HIVEP1: variants seen among roughly 807,000 people sequenced by gnomAD.
HIVEP1 encodes the protein HIVEP zinc finger 1.
Under a neutral mutation model 180.0 loss-of-function variants are expected in HIVEP1, and 36 were observed. The observed-to-expected ratio is 0.20, with a 90% CI of 0.15 to 0.26. HIVEP1 has a LOEUF of 0.26. Ranked by LOEUF, HIVEP1 falls within the 10% of genes least tolerant of loss-of-function variation. HIVEP1 has a pLI of 1.00. For missense variants in HIVEP1, 3,143 were observed against 3,268.7 expected, an observed-to-expected ratio of 0.96 and a Z score of 0.94; for synonymous variants, 1,239 against 1,239.0, an observed-to-expected ratio of 1.00 and a Z score of 0.00.
chr6:12,206,971 G>T, the HIVEP1 span, among the ~76,000 whole-genome samples: 33 of 152,134 alleles, frequency 2.2e-4, no homozygotes, highest in African/African-American at 7.2e-4. Flanking sequence ...TAATTAACCT[G>T]TCAACACTGT....
the HIVEP1 span, among the ~76,000 whole-genome samples, chr6:12,187,106 A>G: frequency 6.6e-6 from 1 of 152,214 alleles, no homozygotes; most frequent in Non-Finnish European, 1.5e-5. Context: ...TTAAAAATGA[A>G]GAATTTCAGT....
the HIVEP1 span, among the ~76,000 whole-genome samples, chr6:12,172,789 C>CT: frequency 1.5e-3 from 210 of 138,548 alleles, no homozygotes; most frequent in South Asian, 3.4e-3. Context: ...AAACACGGTC[C>CT]TTTTTTTTTT....
In HIVEP1 at chr6:12,125,653, T is replaced by G; in HGVS notation, c.5858T>G (p.Leu1953Trp). The G allele has an allele frequency of 6.2e-7, 1 of 1,614,174 alleles. No homozygotes were observed. The highest frequency in any genetic ancestry group is 8.5e-7 in the Non-Finnish European group (1 of 1,180,014). Residue 1953 changes from leucine to tryptophan, a missense_variant, in exon 4 of 9, where the codon TTG becomes TGG. By Grantham distance (61) the Leu-to-Trp change is moderately conservative. Transcript: ENST00000379388. ...TGTTATCTCTTAAGGCAGAAGTCGT[T>G]GCATTTGCCTCAGAAGGACCAGAAA... ...TWCYLLRQKS[L>W]HLPQKDQKTS...
Position 12,064,827 on chromosome 6 carries a change from T to C in HIVEP1, c.41-24357T>C, listed in dbSNP as rs774596695. Among the ~76,000 whole-genome samples, 218 of 152,334 alleles carry C rather than the reference T, an allele frequency of 1.4e-3. 1 individual carries two copies. Among genetic ancestry groups the C allele is most frequent in the Non-Finnish European group, 2.5e-3 (173 of 68,030 alleles). On this transcript the variant is annotated intron_variant, in intron 2 of 8. Transcript: ENST00000379388. ...GCTCTGTTTTTCCCTGCAAAAGGAA[T>C]TTTTCAATTTGATTTTCCATCCCGA...
At chr6:12,087,286 A>C (rs1017470549) in intron 2 of HIVEP1, among the ~76,000 whole-genome samples, 12 of 152,142 alleles carry the variant, frequency 7.9e-5, no homozygotes, top group African/African-American at 2.7e-4. Flanking sequence ...CCAAACTTCA[A>C]TTACTTAACA....
Position 12,121,464 on chromosome 6 carries a change from G to A in HIVEP1, c.1669G>A (p.Val557Met), listed in dbSNP as rs199542147. Residue 557 changes from valine to methionine, a missense_variant, in exon 4 of 9, where the codon GTG becomes ATG. Val to Met is a conservative substitution (Grantham distance 21, BLOSUM62 1). Around this residue, in one of 12 missense-constraint regions of HIVEP1, gnomAD observed 365 missense variants for 344.4 expected, o/e 1.06. Transcript: ENST00000379388. The surrounding 1 kb of genome is among the most constrained non-coding windows in gnomAD (Gnocchi z 5.3). The part of the protein sequence containing the change: ...LQDRSAESQA[V>M]TELPKVVVHH... ...GGACAGATCTGCAGAATCACAAGCTGTGACAGAGTTACCGAAAGTTGTGGT... is the reference window on the plus strand; with the variant it reads ...GGACAGATCTGCAGAATCACAAGCTATGACAGAGTTACCGAAAGTTGTGGT... 400 of 1,614,182 alleles carry A rather than the reference G, an allele frequency of 2.5e-4. No individual in the cohort carries two copies. The highest frequency in any genetic ancestry group is 4.0e-4 in the Admixed American group (24 of 60,016).
At position 12,119,999 on chromosome 6, in the gene HIVEP1, A is replaced by G; in HGVS notation, c.204A>G (p.Arg68=). 6.2e-7 allele frequency: 1 copy of G among 1,613,368 alleles called. No individual in the cohort carries two copies. The highest frequency in any genetic ancestry group is 8.5e-7 in the Non-Finnish European group (1 of 1,179,852). Residue 68 remains arginine, a synonymous_variant, in exon 4 of 9, where the codon AGA becomes AGG. Coordinates refer to ENST00000379388, the MANE Select transcript of HIVEP1 (RefSeq NM_002114.4). ...HLKKIPKSPL[R]NPLQAKHKQN... Reference sequence around the variant, plus strand: ...AAAAAATACCAAAATCCCCACTGAGAAATCCTCTTCAGGCAAAACATAAAC... The same window carrying G: ...AAAAAATACCAAAATCCCCACTGAGGAATCCTCTTCAGGCAAAACATAAAC...
At position 12,015,792 on chromosome 6, in the gene HIVEP1, T is replaced by C. The variant is rs1767702228; in HGVS notation, c.40+124T>C. 6.5e-6 allele frequency: 5 copies of C among 773,610 alleles called. No individual in the cohort carries two copies. In the South Asian group the frequency reaches 8.2e-5, roughly 13 times the overall value. The allele number at this position is 773,610 out of a possible 1,614,324, so 47.9% of individuals were successfully genotyped here. A position where few individuals can be genotyped will look rare whatever the true frequency, so the allele number is the denominator to read the frequency against. On this transcript the variant is annotated intron_variant, in intron 2 of 8. Coordinates refer to ENST00000379388, the MANE Select transcript of HIVEP1 (RefSeq NM_002114.4). ...GCCTGGTGAGGAGCGCTATTTCTCT[T>C]GCTCATTTCCAGCAGTCCTGCACAA... is the stretch of plus-strand genomic sequence containing the variant.
At position 12,123,147 on chromosome 6, in the gene HIVEP1, T is replaced by G; in HGVS notation, c.3352T>G (p.Ser1118Ala). ...LSTIMEQQIS[S>A]AAQDKIELQR... is the part of the protein sequence containing the mutation. Reference sequence around the variant, plus strand: ...GACCATCATGGAACAACAGATAAGTTCAGCAGCCCAGGACAAGATAGAACT... The same window carrying G: ...GACCATCATGGAACAACAGATAAGTGCAGCAGCCCAGGACAAGATAGAACT... The change falls in exon 4 of 9, where the codon TCA becomes GCA. Residue 1118 changes from serine to alanine, a missense_variant. By Grantham distance (99) the Ser-to-Ala change is moderately conservative (BLOSUM62 1). Coordinates refer to ENST00000379388, the MANE Select transcript of HIVEP1 (RefSeq NM_002114.4). The G allele has an allele frequency of 1.2e-6, 2 of 1,614,122 alleles. No homozygotes were observed. The highest frequency in any genetic ancestry group is 1.7e-6 in the Non-Finnish European group (2 of 1,180,000).
At chr6:12,009,309 A>G (rs1282185873), upstream of HIVEP1, among the ~76,000 whole-genome samples, 2 of 151,670 alleles carry the variant, frequency 1.3e-5, no homozygotes, top group Admixed American at 6.6e-5. Flanking sequence ...TCCGGGGTGG[A>G]CTTTGTGCCC....
In HIVEP1 at chr6:12,122,150, A is replaced by G. The variant is rs1480476135; in HGVS notation, c.2355A>G (p.Ser785=). Residue 785 remains serine (S), a synonymous_variant, in exon 4 of 9, where the codon TCA becomes TCG. Transcript: ENST00000379388. ...SRRGSIDSPK[S]YIFKDSFQFD... ...GAGGAAGCATTGATTCCCCCAAATC[A>G]TACATATTTAAAGATTCTTTCCAGT... 1.2e-6 allele frequency: 2 copies of G among 1,614,098 alleles called. No individual in the cohort carries two copies. Among genetic ancestry groups the G allele is most frequent in the Non-Finnish European group, 1.7e-6 (2 of 1,180,036 alleles).
chr6:12,122,912 T>C lies in HIVEP1; in HGVS notation c.3117T>C (p.Asp1039=). ...GGAGGAAAATGAAAAGTGTTGGGGA[T>C]GATGAAGAACTTCAGCAAAATGAAA... The part of the protein sequence containing the change: ...RKRRKMKSVG[D]DEELQQNESG... The change falls in exon 4 of 9, where the codon GAT becomes GAC. Residue 1039 remains aspartate, a synonymous_variant. Coordinates refer to ENST00000379388, the MANE Select transcript of HIVEP1 (RefSeq NM_002114.4). 2 of 1,613,962 alleles carry C rather than the reference T, an allele frequency of 1.2e-6. No individual in the cohort carries two copies. The highest frequency in any genetic ancestry group is 3.3e-5 in the Admixed American group (2 of 59,956).
rs757690549 is a variant in HIVEP1, at chr6:12,123,320, A to C, written c.3525A>C (p.Lys1175Asn). The part of the protein sequence containing the change: ...LNRTGKSGSL[K>N]VIGISQEESH... ...GAACGGGGAAGTCCGGGTCTCTAAA[A>C]GTGATAGGAATCTCCCAAGAGGAAA... Residue 1175 changes from lysine (K) to asparagine (N), a missense_variant, in exon 4 of 9, where the codon AAA becomes AAC. By Grantham distance (94) the Lys-to-Asn change is moderately conservative. Coordinates refer to ENST00000379388, the MANE Select transcript of HIVEP1 (RefSeq NM_002114.4). 40 of 1,614,032 alleles carry C rather than the reference A, an allele frequency of 2.5e-5. No individual in the cohort carries two copies. In the East Asian group the frequency reaches 8.2e-4, roughly 33 times the overall value.
rs1757673321 is a variant in HIVEP1, at chr6:12,121,627, G to A, written c.1832G>A (p.Gly611Asp). 1.9e-6 allele frequency: 3 copies of A among 1,614,026 alleles called. No homozygotes were observed. The highest frequency in any genetic ancestry group is 1.3e-5 in the African/African-American group (1 of 74,906). ...VQPLSANMSQ[G>D]GVSRLETNEN... The stretch of plus-strand genomic sequence containing the variant: ...CCACTTTCAGCCAACATGTCCCAGG[G>A]TGGAGTCTCCAGGTTGGAGACTAAT... Residue 611 changes from glycine (G) to aspartate (D), a missense_variant, in exon 4 of 9, where the codon GGT becomes GAT. Coordinates refer to ENST00000379388, the MANE Select transcript of HIVEP1 (RefSeq NM_002114.4). This position sits in a 1 kb window ranked among gnomAD's most constrained non-coding sequence, Gnocchi z 5.3.
At position 12,120,939 on chromosome 6, in the gene HIVEP1, G is replaced by A; in HGVS notation, c.1144G>A (p.Val382Ile). The A allele has an allele frequency of 6.2e-7, 1 of 1,614,088 alleles. No homozygotes were observed. The highest frequency in any genetic ancestry group is 8.5e-7 in the Non-Finnish European group (1 of 1,180,038). Residue 382 changes from valine (V) to isoleucine (I), a missense_variant, in exon 4 of 9, where the codon GTT (valine) becomes ATT (isoleucine). Around this residue, in one of 12 missense-constraint regions of HIVEP1, gnomAD observed 306 missense variants for 310.6 expected, o/e 0.99. Coordinates refer to ENST00000379388, the MANE Select transcript of HIVEP1 (RefSeq NM_002114.4). Reference protein sequence around the residue: ...PIYNSTHVASVVNQSVEQMCN... With the variant: ...PIYNSTHVASIVNQSVEQMCN... ...CTATAATTCAACTCATGTTGCCTCT[G>A]TTGTTAATCAAAGCGTAGAGCAAAT...
upstream of HIVEP1, among the ~76,000 whole-genome samples, chr6:12,011,270 T>TACCCCC (rs1767268015): frequency 2.8e-5 from 2 of 71,636 alleles, no homozygotes; most frequent in Non-Finnish European, 5.1e-5. Flanking sequence ...CCCCTTGGGG[T>TACCCCC]CCCCCCCCCC....
intron 4 of HIVEP1, among the ~76,000 whole-genome samples, chr6:12,127,309 G>A (rs922848001): frequency 1.3e-5 from 2 of 152,156 alleles, no homozygotes; most frequent in Non-Finnish European, 2.9e-5. Flanking sequence ...GTATGGTGGT[G>A]GAGAACCAAT....
upstream of HIVEP1, among the ~76,000 whole-genome samples, chr6:12,011,840 G>A (rs1008608532): frequency 3.4e-5 from 5 of 146,052 alleles, no homozygotes; most frequent in Non-Finnish European, 7.6e-5. Context: ...CCTCGCCCCG[G>A]CCTCAACCCC....
At position 12,122,376 on chromosome 6, in the gene HIVEP1, C is replaced by A; in HGVS notation, c.2581C>A (p.Leu861Ile). The A allele has an allele frequency of 1.2e-6, 2 of 1,614,048 alleles. No individual in the cohort carries two copies. Among genetic ancestry groups the A allele is most frequent in the Non-Finnish European group, 1.7e-6 (2 of 1,179,868 alleles). The change falls in exon 4 of 9, where the codon CTA becomes ATA. Residue 861 changes from leucine to isoleucine, a missense_variant. Transcript: ENST00000379388. ...PANIIPPPHP[L>I]RGSQSFDDKI... ...AAATATAATACCTCCTCCTCATCCA[C>A]TAAGAGGAAGTCAGTCATTTGATGA...
Sources: allele counts gnomAD v4.1 joint callset (sites outside exome capture counted in the v4.1 genomes callset), GRCh38; gene constraint gnomAD v4.1.1; regional missense constraint gnomAD v4.1.1; non-coding constraint Gnocchi (gnomAD v3.1); transcripts MANE v1.5; gene names NCBI Gene and HGNC (gene_info 2026-07-23, HGNC 2026-07-21).